Variants in EXOC4 observed in about 807,000 individuals in gnomAD.
The protein encoded by EXOC4 is exocyst complex component 4.
In EXOC4, 71 loss-of-function variants were observed where a neutral mutation model predicts 107.2. The observed-to-expected ratio is 0.66, with a 90% CI of 0.55 to 0.81. EXOC4 has a LOEUF of 0.81. EXOC4 is among the 30% of genes least tolerant of loss of function. The pLI is 0.00. For synonymous variants in EXOC4, 456 were observed against 441.2 expected, an observed-to-expected ratio of 1.03 and a Z score of -0.42; for missense variants, 1,108 against 1,189.6, an observed-to-expected ratio of 0.93 and a Z score of 1.01.
chr7:133,730,959 A>G (rs1441355196), intron 10 of EXOC4, among the ~76,000 whole-genome samples: 2 of 152,208 alleles, frequency 1.3e-5, no homozygotes, highest in Admixed American at 1.3e-4. Flanking sequence ...TCACTTGATA[A>G]TAGTTACAAA....
At chr7:133,829,799 A>C (rs537302225) in intron 11 of EXOC4, among the ~76,000 whole-genome samples, 26 of 152,340 alleles carry the variant, frequency 1.7e-4, no homozygotes, top group Non-Finnish European at 2.5e-4. Context: ...TTAGACACAC[A>C]GGAGCTCTGT....
chr7:133,820,795 C>G (rs1357977350), intron 11 of EXOC4, among the ~76,000 whole-genome samples: 1 of 152,170 alleles, frequency 6.6e-6, no homozygotes, highest in Admixed American at 6.5e-5. Flanking sequence ...GTGATGCTTC[C>G]AGTTGTTTGA....
At chr7:133,429,331 GCTTT>G (rs1348307285) in intron 7 of EXOC4, among the ~76,000 whole-genome samples, 2 of 152,096 alleles carry the variant, frequency 1.3e-5, no homozygotes, top group African/African-American at 4.8e-5. Flanking sequence ...CAAATCATCT[GCTTT>G]CTGTTTCACT....
intron 10 of EXOC4, among the ~76,000 whole-genome samples, chr7:133,650,013 A>G (rs1803099761): frequency 6.6e-6 from 1 of 152,194 alleles, no homozygotes; most frequent in Non-Finnish European, 1.5e-5. Flanking sequence ...GTTATTTTCT[A>G]GGTTTTTATC....
chr7:133,261,653 T>C (rs1795155688), intron 1 of EXOC4, among the ~76,000 whole-genome samples: 1 of 152,186 alleles, frequency 6.6e-6, no homozygotes, highest in Non-Finnish European at 1.5e-5. Context: ...GTGGTTAAGT[T>C]ACTTGGAAGC....
At chr7:133,495,878 C>G (rs898662875) in intron 9 of EXOC4, among the ~76,000 whole-genome samples, 2 of 152,110 alleles carry the variant, frequency 1.3e-5, no homozygotes, top group Non-Finnish European at 2.9e-5. Context: ...TTAGGAGATA[C>G]AAGGATTTTA....
At position 133,471,938 on chromosome 7, in the gene EXOC4, C is replaced by G. The variant is rs144915267; in HGVS notation, c.1183-3390C>G. Among the ~76,000 whole-genome samples the G allele has an allele frequency of 4.8e-3, 729 of 152,118 alleles. 4 individuals are homozygous for G. The highest frequency in any genetic ancestry group is 0.017 in the Middle Eastern group (5 of 294). On this transcript the variant is annotated intron_variant, in intron 7 of 17. Coordinates refer to ENST00000253861, the MANE Select transcript of EXOC4 (RefSeq NM_021807.4). ...TTAGGAGTTCAGGAAAGGGTATAGC[C>G]AACTAGAGTGGCCTGGCAAGGGCTC...
At chr7:134,060,631 G>C (rs577438017) in intron 17 of EXOC4, among the ~76,000 whole-genome samples, 136 of 152,254 alleles carry the variant, frequency 8.9e-4, no homozygotes, top group African/African-American at 3.2e-3. Context: ...GTCTGACAGT[G>C]TTTATCATGG....
At chr7:133,387,986 T>G (rs1796766199) in intron 7 of EXOC4, among the ~76,000 whole-genome samples, 1 of 150,230 alleles carries the variant, frequency 6.7e-6, no homozygotes, top group Non-Finnish European at 1.5e-5. Context: ...GTTTGTTTGT[T>G]TTCTTAGAAC....
chr7:133,417,386 T>G (rs1056442987), intron 7 of EXOC4, among the ~76,000 whole-genome samples: 1 of 152,170 alleles, frequency 6.6e-6, no homozygotes, highest in African/African-American at 2.4e-5. Flanking sequence ...GATGTGAAGA[T>G]GGAAGGTCTG....
intron 9 of EXOC4, among the ~76,000 whole-genome samples, chr7:133,499,593 C>T (rs1469115565): frequency 2.0e-5 from 3 of 151,928 alleles, no homozygotes; most frequent in African/African-American, 7.3e-5. Flanking sequence ...TCAAGTAGGC[C>T]TTATGATATG....
intron 9 of EXOC4, among the ~76,000 whole-genome samples, chr7:133,547,113 G>A (rs1800496975): frequency 1.3e-5 from 2 of 152,210 alleles, no homozygotes; most frequent in South Asian, 4.1e-4. Context: ...GCATATGTTG[G>A]AGGTATTCCA....
intron 14 of EXOC4, among the ~76,000 whole-genome samples, chr7:133,940,086 G>A (rs1367392456): frequency 1.3e-5 from 2 of 152,098 alleles, no homozygotes; most frequent in Non-Finnish European, 2.9e-5. Flanking sequence ...TATGTCATTA[G>A]CATCTAATAT....
intron 10 of EXOC4, among the ~76,000 whole-genome samples, chr7:133,800,042 C>G (rs1026209932): frequency 1.7e-5 from 2 of 119,084 alleles, no homozygotes; most frequent in South Asian, 3.3e-4. Context: ...CATCCATCCA[C>G]CCACCCACCC....
chr7:133,544,406 T>C (rs1485508849), intron 9 of EXOC4, among the ~76,000 whole-genome samples: 1 of 152,152 alleles, frequency 6.6e-6, no homozygotes, highest in African/African-American at 2.4e-5. Context: ...ACTTCCACCA[T>C]TTATTTGTTT....
At chr7:134,029,946 G>C (rs927211357) in intron 17 of EXOC4, among the ~76,000 whole-genome samples, 1 of 152,180 alleles carries the variant, frequency 6.6e-6, no homozygotes, top group African/African-American at 2.4e-5. Context: ...GATTTAAACT[G>C]TTTCAATATC....
intron 1 of EXOC4, among the ~76,000 whole-genome samples, chr7:133,265,220 C>T (rs940733881): frequency 2.0e-5 from 3 of 151,986 alleles, no homozygotes; most frequent in African/African-American, 7.3e-5. Context: ...GTGAACTCTT[C>T]AGCATTTGTT....
chr7:133,801,483 C>T (rs528762854), intron 10 of EXOC4, among the ~76,000 whole-genome samples: 1 of 152,254 alleles, frequency 6.6e-6, no homozygotes, highest in East Asian at 1.9e-4. Flanking sequence ...CGTGTCTGGC[C>T]TTCATTAAGG....
chr7:133,685,928 G>A (rs1406121590), intron 10 of EXOC4, among the ~76,000 whole-genome samples: 1 of 152,064 alleles, frequency 6.6e-6, no homozygotes, highest in Admixed American at 6.6e-5. Context: ...CCATGTCCAT[G>A]CGTACACACT....
Sources: allele counts gnomAD v4.1 joint callset (sites outside exome capture counted in the v4.1 genomes callset), GRCh38; gene constraint gnomAD v4.1.1; transcripts MANE v1.5; gene names NCBI Gene and HGNC (gene_info 2026-07-23, HGNC 2026-07-21).